NKAIN2: variants seen among roughly 807,000 people sequenced by gnomAD.
NKAIN2 encodes the protein sodium/potassium transporting ATPase interacting 2.
Under a neutral mutation model 32.6 loss-of-function variants are expected in NKAIN2, and 14 were observed. The ratio of observed to expected loss-of-function variants is 0.43; its 90% confidence interval spans 0.28 to 0.67. The LOEUF (loss-of-function observed/expected upper bound fraction) is 0.67, where lower values mean the gene tolerates loss of function less well. Ranked by LOEUF, NKAIN2 falls within the 30% of genes least tolerant of loss-of-function variation. The pLI is 0.17. For synonymous variants in NKAIN2, 80 were observed against 87.2 expected (o/e 0.92, Z 0.46); for missense variants, 198 against 258.3 (o/e 0.77, Z 1.60).
chr6:124,145,948 T>C (rs1433403526), intron 1 of NKAIN2, among the ~76,000 whole-genome samples: 3 of 152,314 alleles, frequency 2.0e-5, no homozygotes, highest in African/African-American at 7.2e-5. Context: ...ATCTTGACTG[T>C]GGGAGTAGGT....
At chr6:124,161,797 G>A (rs545704119) in intron 1 of NKAIN2, among the ~76,000 whole-genome samples, 11 of 152,126 alleles carry the variant, frequency 7.2e-5, no homozygotes, top group East Asian at 1.9e-4. Context: ...CTACTGGAGA[G>A]GGGAAGGAGG....
intron 3 of NKAIN2, among the ~76,000 whole-genome samples, chr6:124,445,002 C>T (rs1775832003): frequency 6.6e-6 from 1 of 151,888 alleles, no homozygotes; most frequent in Non-Finnish European, 1.5e-5. Flanking sequence ...ATAATACATG[C>T]ATGCAATGGA....
chr6:123,975,383 A>G (rs909789528), intron 1 of NKAIN2, among the ~76,000 whole-genome samples: 1 of 152,212 alleles, frequency 6.6e-6, no homozygotes, highest in Non-Finnish European at 1.5e-5. Context: ...ACAAAAACTG[A>G]AGGATTTTCA....
intron 4 of NKAIN2, among the ~76,000 whole-genome samples, chr6:124,725,600 G>C (rs1776243565): frequency 1.3e-5 from 2 of 152,078 alleles, no homozygotes; most frequent in African/African-American, 2.4e-5. Flanking sequence ...TTTAAAGCAA[G>C]AGTCTTCCAA....
At chr6:124,586,376 T>C (rs1312598293) in intron 3 of NKAIN2, among the ~76,000 whole-genome samples, 1 of 152,162 alleles carries the variant, frequency 6.6e-6, no homozygotes, top group Non-Finnish European at 1.5e-5. Flanking sequence ...CTCTTACTTA[T>C]AACTGAGAGC....
At chr6:124,020,595 A>G (rs11154203) in intron 1 of NKAIN2, among the ~76,000 whole-genome samples, 26,560 of 152,138 alleles carry the variant, frequency 0.17, 2,481 homozygotes, top group Admixed American at 0.24. Context: ...AGACTACATC[A>G]CTAAAGCATA....
intron 3 of NKAIN2, among the ~76,000 whole-genome samples, chr6:124,562,869 G>A (rs1020754210): frequency 5.9e-5 from 9 of 151,360 alleles, no homozygotes; most frequent in African/African-American, 2.2e-4. Context: ...GGAGAAAACA[G>A]GAAAAGGAAA....
At chr6:124,071,081 A>G (rs1432487771) in intron 1 of NKAIN2, among the ~76,000 whole-genome samples, 1 of 152,194 alleles carries the variant, frequency 6.6e-6, no homozygotes, top group Admixed American at 6.6e-5. Flanking sequence ...TAAAAGATCA[A>G]TGGAACAAAA....
intron 1 of NKAIN2, among the ~76,000 whole-genome samples, chr6:124,052,370 C>G (rs1331293238): frequency 6.6e-6 from 1 of 152,046 alleles, no homozygotes; most frequent in Non-Finnish European, 1.5e-5. Flanking sequence ...GTGTGTGGAA[C>G]TCTGTAGTTG....
At chr6:123,957,199 A>T (rs1015831097) in intron 1 of NKAIN2, among the ~76,000 whole-genome samples, 1 of 152,202 alleles carries the variant, frequency 6.6e-6, no homozygotes, top group Non-Finnish European at 1.5e-5. Flanking sequence ...AAAGCACAGC[A>T]TAGTATACAA....
chr6:123,830,936 T>G (rs1774354040), intron 1 of NKAIN2, among the ~76,000 whole-genome samples: 1 of 152,184 alleles, frequency 6.6e-6, no homozygotes, highest in Non-Finnish European at 1.5e-5. Context: ...TCTCTGCAGG[T>G]TTGTAGAGAT....
chr6:123,858,203 C>T (rs370211795), intron 1 of NKAIN2, among the ~76,000 whole-genome samples: 1 of 151,872 alleles, frequency 6.6e-6, no homozygotes, highest in African/African-American at 2.4e-5. Flanking sequence ...GCAACCTCCG[C>T]GTCCCGGGTT....
intron 3 of NKAIN2, among the ~76,000 whole-genome samples, chr6:124,495,969 A>C (rs1249988113): frequency 3.3e-5 from 5 of 152,176 alleles, no homozygotes; most frequent in African/African-American, 7.2e-5. Flanking sequence ...AGAAGGCAGG[A>C]TAGTTAGTGG....
chr6:123,895,890 T>C (rs1331925069), intron 1 of NKAIN2, among the ~76,000 whole-genome samples: 1 of 136,356 alleles, frequency 7.3e-6, no homozygotes, highest in Non-Finnish European at 1.6e-5. Context: ...CCTTATATGA[T>C]ATCAAATCTT....
chr6:123,883,819 T>C (rs1045460681), intron 1 of NKAIN2, among the ~76,000 whole-genome samples: 12 of 131,656 alleles, frequency 9.1e-5, no homozygotes, highest in African/African-American at 1.5e-4. Context: ...TGCGTGAACC[T>C]GGGAGGCAGA....
chr6:124,129,619 G>A (rs1786352573), intron 1 of NKAIN2, among the ~76,000 whole-genome samples: 3 of 151,980 alleles, frequency 2.0e-5, no homozygotes, highest in Admixed American at 2.0e-4. Flanking sequence ...CTTCTGAACA[G>A]CAATCTTTTT....
intron 1 of NKAIN2, among the ~76,000 whole-genome samples, chr6:124,192,341 C>T (rs566172899): frequency 5.9e-5 from 9 of 152,078 alleles, no homozygotes; most frequent in African/African-American, 2.2e-4. Context: ...ATTGTGATTA[C>T]TTCTTTGATT....
At chr6:124,305,688 C>G (rs1160921162) in intron 2 of NKAIN2, among the ~76,000 whole-genome samples, 1 of 152,154 alleles carries the variant, frequency 6.6e-6, no homozygotes, top group Non-Finnish European at 1.5e-5. Context: ...GACTGCTGAT[C>G]TTGATACTTC....
chr6:124,289,674 C>T (rs1459943226), intron 2 of NKAIN2, among the ~76,000 whole-genome samples: 1 of 152,108 alleles, frequency 6.6e-6, no homozygotes. Context: ...CTCAGGTCTC[C>T]ATAGAGACTA....
Sources: gnomAD v4.1 joint callset for allele counts (sites outside exome capture counted in the v4.1 genomes callset) on GRCh38, gnomAD v4.1.1 for gene constraint, MANE v1.5 for transcripts, NCBI Gene and HGNC (gene_info 2026-07-23, HGNC 2026-07-21) for gene names.